Variants in ARHGEF28 observed in about 807,000 individuals in gnomAD.
The protein encoded by ARHGEF28 is 190 kDa guanine nucleotide exchange factor.
ARHGEF28 carries 152 observed loss-of-function variants against 206.6 expected under a neutral mutation model. The observed-to-expected ratio is 0.74, with a 90% confidence interval of 0.64 to 0.84. The LOEUF (loss-of-function observed/expected upper bound fraction) is 0.84. ARHGEF28 is among the 40% of genes least tolerant of loss of function. The pLI is 0.00. For synonymous variants in ARHGEF28, 763 were observed against 776.4 expected, an observed-to-expected ratio of 0.98 and a Z score of 0.29; for missense variants, 2,028 against 2,073.2, an observed-to-expected ratio of 0.98 and a Z score of 0.42.
rs1762764792 is a variant in ARHGEF28 at position 73,909,648 on chromosome 5, G to A, written c.4398G>A (p.Ala1466=). 2.6e-6 allele frequency: 4 copies of A among 1,547,232 alleles called. No homozygotes were observed. The highest frequency in any genetic ancestry group is 1.2e-5 in the South Asian group (1 of 83,944). ...GTGAGCAGCAGCAGCGGGCGCAGGC[G>A]ACCAGGGAGAGCTGGCTGCAGGAGC... ...RRCEQQQRAQ[A]TRESWLQERE... is the part of the protein sequence containing the mutation. Residue 1466 remains alanine (A), a synonymous_variant, in exon 34 of 36, where the codon GCG becomes GCA. Transcript: ENST00000513042.
chr5:73,694,434 T>G (rs777643079), intron 2 of ARHGEF28, among the ~76,000 whole-genome samples: 1 of 152,252 alleles, frequency 6.6e-6, no homozygotes, highest in Non-Finnish European at 1.5e-5. Context: ...GTATTTTTAA[T>G]AAAGAACTTG....
intron 2 of ARHGEF28, among the ~76,000 whole-genome samples, chr5:73,709,515 A>G (rs187746126): frequency 3.3e-5 from 5 of 152,292 alleles, no homozygotes; most frequent in Admixed American, 2.6e-4. Flanking sequence ...GCTTGTTCCT[A>G]TTGAGCAAGG....
At chr5:73,826,980 C>T (rs1454971493) in intron 9 of ARHGEF28, among the ~76,000 whole-genome samples, 1 of 152,120 alleles carries the variant, frequency 6.6e-6, no homozygotes, top group Non-Finnish European at 1.5e-5. Flanking sequence ...GAAGCTGGCC[C>T]GAGTCCACTT....
At chr5:73,681,088 ATTTTT>A (rs10551544) in intron 1 of ARHGEF28, among the ~76,000 whole-genome samples, 368 of 139,856 alleles carry the variant, frequency 2.6e-3, no homozygotes, top group East Asian at 0.016. Context: ...ATAGTAATGC[ATTTTT>A]TTTTTTTTTT....
At chr5:73,820,598 C>T (rs79733269) in intron 9 of ARHGEF28, among the ~76,000 whole-genome samples, 2,876 of 152,240 alleles carry the variant, frequency 0.019, 94 homozygotes, top group African/African-American at 0.066. Context: ...TGGCTTCACC[C>T]TGACTTGGCC....
intron 7 of ARHGEF28, among the ~76,000 whole-genome samples, chr5:73,793,904 A>G (rs1038367111): frequency 1.3e-5 from 2 of 150,898 alleles, no homozygotes; most frequent in African/African-American, 2.4e-5. Flanking sequence ...CTGAGGTTGG[A>G]GCTGAGGGCT....
chr5:73,676,436 G>A (rs545781343), intron 1 of ARHGEF28, among the ~76,000 whole-genome samples: 64 of 151,996 alleles, frequency 4.2e-4, no homozygotes, highest in African/African-American at 1.4e-3. Context: ...ATGGGGCTTC[G>A]CCATGTTGGC....
At position 73,911,291 on chromosome 5, in the gene ARHGEF28, G is replaced by A. The variant is rs201626401; in HGVS notation, c.4664G>A (p.Arg1555Gln). Reference protein sequence around the residue: ...PGGPEVMELNRSESLCHENSF... With the variant: ...PGGPEVMELNQSESLCHENSF... The stretch of plus-strand genomic sequence containing the variant: ...TTTACACAGGTAATGGAACTTAATC[G>A]ATCTGAGAGTTTATGTCATGAAAAC... Residue 1555 changes from arginine (R) to glutamine (Q), a missense_variant, in exon 35 of 36, where the codon CGA (arginine) becomes CAA (glutamine). By Grantham distance (43) the Arg-to-Gln change is conservative. Coordinates refer to ENST00000513042, the MANE Select transcript of ARHGEF28 (RefSeq NM_001177693.2). The A allele has an allele frequency of 1.1e-3, 1,675 of 1,593,642 alleles. 2 individuals are homozygous for A. Among genetic ancestry groups the A allele is most frequent in the Non-Finnish European group, 1.1e-3 (1,283 of 1,168,370 alleles).
chr5:73,808,293 G>A (rs1381399827), intron 9 of ARHGEF28, among the ~76,000 whole-genome samples: 1 of 152,118 alleles, frequency 6.6e-6, no homozygotes, highest in Admixed American at 6.6e-5. Context: ...TTCACACCTC[G>A]GGGTGGCTGT....
rs1183517619 is a variant in ARHGEF28, at chr5:73,886,119, C to T, written c.3310+15C>T. 1.9e-6 allele frequency: 3 copies of T among 1,594,502 alleles called. No individual in the cohort carries two copies. The highest frequency in any genetic ancestry group is 2.6e-6 in the Non-Finnish European group (3 of 1,171,980). On this transcript the variant is annotated intron_variant, in intron 25 of 35. Transcript: ENST00000513042. ...TCGTTTCAAAGGTACTGTGGCTCTACCAGACCAATTTCTCCCTTCATACAC... is the reference window on the plus strand; with the variant it reads ...TCGTTTCAAAGGTACTGTGGCTCTATCAGACCAATTTCTCCCTTCATACAC...
intron 35 of ARHGEF28, among the ~76,000 whole-genome samples, chr5:73,936,323 C>T (rs1764415992): frequency 6.6e-6 from 1 of 152,124 alleles, no homozygotes. Context: ...TGTGTGGGCT[C>T]ACTTCAAATA....
At chr5:73,725,842 T>G (rs1750238845) in intron 2 of ARHGEF28, among the ~76,000 whole-genome samples, 1 of 152,228 alleles carries the variant, frequency 6.6e-6, no homozygotes, top group African/African-American at 2.4e-5. Flanking sequence ...AAAAAGGGTC[T>G]GAGAAGAGTT....
chr5:73,783,345 A>AGTGTGTGTGTGTGTGTGTGTGT (rs57320048), intron 7 of ARHGEF28, among the ~76,000 whole-genome samples: 3 of 145,812 alleles, frequency 2.1e-5, no homozygotes, highest in Non-Finnish European at 4.5e-5. Flanking sequence ...CCTGGAATAT[A>AGTGTGTGTGTGTGTGTGTGTGT]GTGTGTGTGT....
chr5:73,853,877 A>G (rs1298366312), intron 14 of ARHGEF28, among the ~76,000 whole-genome samples: 1 of 152,230 alleles, frequency 6.6e-6, no homozygotes, highest in East Asian at 1.9e-4. Context: ...AATTAAAAAT[A>G]TAAAAAATAT....
chr5:73,813,839 C>T (rs1216122297), intron 9 of ARHGEF28, among the ~76,000 whole-genome samples: 4 of 151,078 alleles, frequency 2.6e-5, no homozygotes, highest in African/African-American at 9.7e-5. Flanking sequence ...GGCAAACCTA[C>T]TAATTCTTCT....
chr5:73,875,783 C>G (rs1760433959), intron 22 of ARHGEF28, among the ~76,000 whole-genome samples: 1 of 152,016 alleles, frequency 6.6e-6, no homozygotes, highest in African/African-American at 2.4e-5. Flanking sequence ...ATCTATATCT[C>G]TGTTTTGGTA....
intron 35 of ARHGEF28, among the ~76,000 whole-genome samples, chr5:73,935,587 G>T (rs796270502): frequency 5.3e-5 from 8 of 152,342 alleles, no homozygotes; most frequent in African/African-American, 1.9e-4. Context: ...GGGATTGCCA[G>T]TAATGCCATC....
rs1412233520 is a variant in ARHGEF28 at position 73,846,335 on chromosome 5, T to C, written c.1495T>C (p.Tyr499His). 1 of 1,613,876 alleles carries C rather than the reference T, an allele frequency of 6.2e-7. No individual in the cohort carries two copies. The highest frequency in any genetic ancestry group is 1.1e-5 in the South Asian group (1 of 91,068). ...GCATTCTGAGCCATCCCACATCTGT[T>C]ACACTCCAGGGTCTCAGAGCTCCTC... ...EGHSEPSHIC[Y>H]TPGSQSSSRT... is the part of the protein sequence containing the mutation. Residue 499 changes from tyrosine (Y) to histidine (H), a missense_variant, in exon 12 of 36, where the codon TAC becomes CAC. This residue lies in a region of ARHGEF28 where 1,002 missense variants were observed against 1,015.3 expected (regional missense o/e 0.99). Transcript: ENST00000513042.
chr5:73,813,500 C>A, intron 9 of ARHGEF28: 1 of 1,518,560 alleles, frequency 6.6e-7, no homozygotes, highest in Non-Finnish European at 8.8e-7. Flanking sequence ...CTTTACATCA[C>A]ATGGGGAGGC....
Sources: gnomAD v4.1 joint callset for allele counts (sites outside exome capture counted in the v4.1 genomes callset) on GRCh38, gnomAD v4.1.1 for gene constraint, gnomAD v4.1.1 regional missense constraint, MANE v1.5 for transcripts, NCBI Gene and HGNC (gene_info 2026-07-23, HGNC 2026-07-21) for gene names.